Variants in ADGRL2 observed in about 807,000 individuals in gnomAD.
The protein encoded by ADGRL2 is adhesion G protein-coupled receptor L2, also known as calcium-independent alpha-latrotoxin receptor 2.
A neutral mutation model predicts 157.4 loss-of-function variants in ADGRL2; 44 were observed. The observed-to-expected ratio is 0.28, with a 90% confidence interval of 0.22 to 0.36. ADGRL2 has a LOEUF of 0.36. Ranked by LOEUF, ADGRL2 falls within the 10% of genes least tolerant of loss-of-function variation. The pLI is 1.00. For synonymous variants in ADGRL2, 585 were observed against 624.7 expected, an observed-to-expected ratio of 0.94 and a Z score of 0.95; for missense variants, 1,510 against 1,768.9, an observed-to-expected ratio of 0.85 and a Z score of 2.63.
chr1:81,531,634 T>G (rs920262094), intron 2 of ADGRL2, among the ~76,000 whole-genome samples: 1 of 152,164 alleles, frequency 6.6e-6, no homozygotes, highest in South Asian at 2.1e-4. Context: ...CAGGAGGAAC[T>G]TTGTTATATC....
chr1:81,526,068 T>C (rs1299439637), intron 2 of ADGRL2, among the ~76,000 whole-genome samples: 1 of 149,280 alleles, frequency 6.7e-6, no homozygotes, highest in Non-Finnish European at 1.5e-5. Context: ...CCCAGTTTAA[T>C]TGGACAAAGA....
chr1:81,491,712 A>G (rs2078636751), intron 2 of ADGRL2, among the ~76,000 whole-genome samples: 1 of 152,242 alleles, frequency 6.6e-6, no homozygotes, highest in Non-Finnish European at 1.5e-5. Context: ...ATTTTAACCC[A>G]GGACTAGAAA....
chr1:81,313,707 C>A (rs1434228948), intron 1 of ADGRL2, among the ~76,000 whole-genome samples: 3 of 152,030 alleles, frequency 2.0e-5, no homozygotes, highest in Non-Finnish European at 4.4e-5. Flanking sequence ...GAGGAGAGCA[C>A]AGAGCACATG....
chr1:81,703,583 T>C (rs1355449962), intron 1 of ADGRL2, among the ~76,000 whole-genome samples: 1 of 151,964 alleles, frequency 6.6e-6, no homozygotes. Context: ...GGAGAGTAAG[T>C]ATAGGAAAGG....
Position 81,904,723 on chromosome 1 carries a change from C to T in ADGRL2, c.74-2294C>T, listed in dbSNP as rs185374343. Among the ~76,000 whole-genome samples the T allele has an allele frequency of 1.1e-4, 16 of 152,316 alleles. No homozygotes were observed. In the East Asian group the frequency reaches 3.1e-3, roughly 29 times the overall value. ...AAGGGTTCGAGACCAGCCTGGCCAA[C>T]ATGGTGAAACCTTGTCTCTACTAAG... is the stretch of plus-strand genomic sequence containing the variant. On this transcript the variant is annotated intron_variant, in intron 2 of 23. Coordinates refer to ENST00000686636, the MANE Select transcript of ADGRL2 (RefSeq NM_001366006.2).
intron 1 of ADGRL2, among the ~76,000 whole-genome samples, chr1:81,420,916 T>A (rs2077112736): frequency 6.6e-6 from 1 of 152,216 alleles, no homozygotes; most frequent in Non-Finnish European, 1.5e-5. Context: ...TGTATTTCCC[T>A]GCTTAAATCA....
chr1:81,636,926 CCCTGGT>C (rs2082126171), intron 3 of ADGRL2, among the ~76,000 whole-genome samples: 1 of 152,146 alleles, frequency 6.6e-6, no homozygotes. Flanking sequence ...AGCTGTGCTT[CCCTGGT>C]TCAAGCAATT....
intron 2 of ADGRL2, among the ~76,000 whole-genome samples, chr1:81,494,432 C>G (rs1156441014): frequency 6.6e-6 from 1 of 152,096 alleles, no homozygotes; most frequent in Non-Finnish European, 1.5e-5. Flanking sequence ...GCTAAAGCAA[C>G]TTTCCCATCA....
chr1:81,713,167 G>A (rs895459673), intron 1 of ADGRL2, among the ~76,000 whole-genome samples: 1 of 152,096 alleles, frequency 6.6e-6, no homozygotes, highest in Non-Finnish European at 1.5e-5. Flanking sequence ...ATCTTGAGAG[G>A]GAAGGACCTA....
intron 1 of ADGRL2, among the ~76,000 whole-genome samples, chr1:81,741,897 G>C (rs1439300948): frequency 2.0e-5 from 3 of 151,704 alleles, no homozygotes. Flanking sequence ...CTTTGCCAAG[G>C]ATTTTGATAC....
At chr1:81,859,654 C>T (rs1451333007) in intron 2 of ADGRL2, among the ~76,000 whole-genome samples, 1 of 152,064 alleles carries the variant, frequency 6.6e-6, no homozygotes, top group African/African-American at 2.4e-5. Flanking sequence ...GCAATCCACC[C>T]ACCTTGGCCT....
chr1:81,511,400 GCACACACACACACA>G (rs149522214), intron 2 of ADGRL2, among the ~76,000 whole-genome samples: 1 of 127,236 alleles, frequency 7.9e-6, no homozygotes, highest in Non-Finnish European at 1.6e-5. Context: ...AAAAAAGCGC[GCACACACACACACA>G]CACACACACA....
chr1:81,467,454 T>C (rs2078082265), intron 2 of ADGRL2, among the ~76,000 whole-genome samples: 1 of 152,186 alleles, frequency 6.6e-6, no homozygotes, highest in Non-Finnish European at 1.5e-5. Context: ...CCAAAAGCAC[T>C]AACCAAGAGA....
chr1:81,951,245 A>C (rs1651704271), intron 8 of ADGRL2, 124 bp downstream of exon 8: 1 of 602,642 alleles, frequency 1.7e-6, no homozygotes, highest in Admixed American at 3.1e-5. Flanking sequence ...AAGTAAAAAA[A>C]AATTACGCAT....
intron 1 of ADGRL2, chr1:81,426,903 A>T (rs767147819): frequency 2.9e-5 from 20 of 680,584 alleles, no homozygotes; most frequent in Non-Finnish European, 5.4e-5. Flanking sequence ...AAGTATGGCA[A>T]GACTGAAACC....
intron 2 of ADGRL2, among the ~76,000 whole-genome samples, chr1:81,546,887 C>T (rs1035073841): frequency 6.6e-6 from 1 of 152,150 alleles, no homozygotes; most frequent in Admixed American, 6.5e-5. Flanking sequence ...GGGACTTGTC[C>T]ATCCCCAAGG....
chr1:81,396,533 T>C (rs1045832219), intron 1 of ADGRL2, among the ~76,000 whole-genome samples: 10 of 152,148 alleles, frequency 6.6e-5, no homozygotes, highest in East Asian at 1.9e-4. Flanking sequence ...TTCAGTACTA[T>C]ATTGAGCAAG....
intron 3 of ADGRL2, among the ~76,000 whole-genome samples, chr1:81,934,913 G>A (rs561585371): frequency 6.6e-6 from 1 of 151,910 alleles, no homozygotes; most frequent in Non-Finnish European, 1.5e-5. Flanking sequence ...AAGGACTTTT[G>A]TTTTTAATGG....
chr1:81,963,991 C>T (rs1468866575), intron 11 of ADGRL2, among the ~76,000 whole-genome samples: 2 of 151,104 alleles, frequency 1.3e-5, no homozygotes, highest in Non-Finnish European at 3.0e-5. Context: ...TTTCTATTGT[C>T]TTTTAAAAAT....
Sources: gnomAD v4.1 joint callset for allele counts (sites outside exome capture counted in the v4.1 genomes callset) on GRCh38, gnomAD v4.1.1 for gene constraint, MANE v1.5 for transcripts, NCBI Gene and HGNC (gene_info 2026-07-23, HGNC 2026-07-21) for gene names.